Variants in SRFBP1 observed in about 807,000 individuals in gnomAD.
SRFBP1 encodes the protein serum response factor binding protein 1.
A neutral mutation model predicts 45.5 loss-of-function variants in SRFBP1; 47 were observed. That is an observed-to-expected ratio of 1.03 (90% confidence interval 0.82 to 1.32). The LOEUF is 1.32. Among genes scored for constraint, SRFBP1 ranks in the 40% most tolerant of loss-of-function variants. SRFBP1 has a pLI of 0.00. For missense variants in SRFBP1, 621 were observed against 484.6 expected (o/e 1.28, Z -2.64); for synonymous variants, 203 against 166.3 (o/e 1.22, Z -1.70).
chr5:122,026,213 C>T (rs1753476056), intron 7 of SRFBP1, among the ~76,000 whole-genome samples: 1 of 152,166 alleles, frequency 6.6e-6, no homozygotes, highest in African/African-American at 2.4e-5. Context: ...ATTCCATCTC[C>T]TAAGTTCTGT....
At chr5:121,991,036 G>A (rs1452202939) in intron 3 of SRFBP1, among the ~76,000 whole-genome samples, 1 of 152,148 alleles carries the variant, frequency 6.6e-6, no homozygotes, top group African/African-American at 2.4e-5. Context: ...TTATAATGAA[G>A]AGAGTTGATG....
intron 3 of SRFBP1, among the ~76,000 whole-genome samples, chr5:121,992,569 A>G (rs1162179668): frequency 6.6e-6 from 1 of 152,076 alleles, no homozygotes. Context: ...ATGTAAAATA[A>G]CATGTTCATA....
At chr5:122,072,691 G>A (rs751486643) in intron 2 of SRFBP1, among the ~76,000 whole-genome samples, 9 of 152,004 alleles carry the variant, frequency 5.9e-5, no homozygotes, top group Non-Finnish European at 1.2e-4. Flanking sequence ...TATATAAATC[G>A]CTCAATGCAA....
chr5:121,968,455 G>A (rs1040575134), intron 1 of SRFBP1, among the ~76,000 whole-genome samples: 4 of 152,116 alleles, frequency 2.6e-5, no homozygotes, highest in Non-Finnish European at 5.9e-5. Context: ...CAACAAAATT[G>A]TTGGTGGGGG....
intron 2 of SRFBP1, among the ~76,000 whole-genome samples, chr5:122,046,124 G>C (rs1276446914): frequency 1.3e-5 from 2 of 152,008 alleles, no homozygotes; most frequent in African/African-American, 4.8e-5. Context: ...GTATACATGT[G>C]CCATGTTGGT....
chr5:122,054,507 A>G (rs745428021), intron 2 of SRFBP1, among the ~76,000 whole-genome samples: 4 of 152,166 alleles, frequency 2.6e-5, no homozygotes, highest in Non-Finnish European at 5.9e-5. Context: ...TGTGGCATAC[A>G]TGAGCTGTTT....
intron 4 of SRFBP1, among the ~76,000 whole-genome samples, chr5:122,002,526 T>C (rs965096240): frequency 1.3e-5 from 2 of 152,218 alleles, no homozygotes; most frequent in Admixed American, 6.5e-5. Flanking sequence ...AATTACGTAT[T>C]GTGAAAGGAT....
chr5:121,963,924 A>G (rs1483862165), intron 1 of SRFBP1, among the ~76,000 whole-genome samples: 1 of 152,182 alleles, frequency 6.6e-6, no homozygotes, highest in Non-Finnish European at 1.5e-5. Flanking sequence ...TACCAAAGAA[A>G]AGAAATGACA....
At chr5:121,983,208 C>T (rs1490750312) in intron 3 of SRFBP1, among the ~76,000 whole-genome samples, 1 of 151,186 alleles carries the variant, frequency 6.6e-6, no homozygotes, top group East Asian at 1.9e-4. Context: ...AAATTATTTT[C>T]AAACAAAAAG....
intron 4 of SRFBP1, among the ~76,000 whole-genome samples, chr5:122,016,328 A>T (rs1435145962): frequency 6.6e-6 from 1 of 151,434 alleles, no homozygotes; most frequent in Non-Finnish European, 1.5e-5. Flanking sequence ...ATGTACAAGG[A>T]TGTAAATTTT....
chr5:122,068,539 A>G (rs1331458412), intron 2 of SRFBP1, among the ~76,000 whole-genome samples: 1 of 152,138 alleles, frequency 6.6e-6, no homozygotes, highest in Non-Finnish European at 1.5e-5. Context: ...TACTCAAATT[A>G]TTTGAGAAAG....
chr5:122,024,958 T>G (rs182018421), intron 7 of SRFBP1, among the ~76,000 whole-genome samples: 75 of 152,320 alleles, frequency 4.9e-4, no homozygotes, highest in East Asian at 1.9e-3. Flanking sequence ...GTTTTGTTTT[T>G]TTTATTTTTA....
At chr5:122,002,868 A>G (rs542781215) in intron 4 of SRFBP1, among the ~76,000 whole-genome samples, 3 of 152,314 alleles carry the variant, frequency 2.0e-5, no homozygotes, top group East Asian at 3.9e-4. Context: ...CCTTAAGAAA[A>G]AAAGCACTCT....
intron 2 of SRFBP1, among the ~76,000 whole-genome samples, chr5:122,074,939 C>T (rs769329088): frequency 2.6e-5 from 4 of 152,190 alleles, no homozygotes; most frequent in Admixed American, 6.5e-5. Flanking sequence ...AAAAGGCAAC[C>T]ACCTTGGGCT....
intron 3 of SRFBP1, among the ~76,000 whole-genome samples, chr5:121,980,710 A>C (rs896442145): frequency 1.3e-5 from 2 of 151,912 alleles, no homozygotes; most frequent in African/African-American, 4.8e-5. Context: ...ATTTTTTTCG[A>C]ATAAGTGGTT....
In SRFBP1 at chr5:122,066,669, C is replaced by T. The variant is rs376692684; in HGVS notation, n.312-8646C>T. The T allele has an allele frequency of 4.0e-5, 48 of 1,200,146 alleles. No homozygotes were observed. The African/African-American group carries it at 6.1e-4, about 15-fold the overall frequency. The allele number at this position is 1,200,146 out of a possible 1,614,324, so 74.3% of individuals were successfully genotyped here. A position where few individuals can be genotyped will look rare whatever the true frequency, so the allele number is the denominator to read the frequency against. ...TCTTTTTCAAAATACATAAATCCTA[C>T]TGAAGTTAGTCTATTTTTTCCCACT... On this transcript the variant is annotated intron_variant and non_coding_transcript_variant, in intron 2 of 2. Transcript: ENST00000504881.
intron 1 of SRFBP1, among the ~76,000 whole-genome samples, chr5:121,966,435 T>C (rs1352801057): frequency 6.6e-6 from 1 of 152,192 alleles, no homozygotes; most frequent in African/African-American, 2.4e-5. Flanking sequence ...CTACAGGTAA[T>C]AAGAAGTAGG....
chr5:122,005,074 C>G (rs376972324), intron 4 of SRFBP1, among the ~76,000 whole-genome samples: 1 of 152,106 alleles, frequency 6.6e-6, no homozygotes, highest in Non-Finnish European at 1.5e-5. Flanking sequence ...AGCATATCAT[C>G]TGTTTGGGAG....
rs529331343 is a variant in SRFBP1 at position 122,070,075 on chromosome 5, C to T, written n.312-5240C>T. 3 of 1,611,568 alleles carry T rather than the reference C, an allele frequency of 1.9e-6. No individual in the cohort carries two copies. Among genetic ancestry groups the T allele is most frequent in the African/African-American group, 2.7e-5 (2 of 74,940 alleles). On this transcript the variant is annotated intron_variant and non_coding_transcript_variant, in intron 2 of 2. Transcript: ENST00000504881. ...TACGGTGAAATTGTGCAGCCTGAGG[C>T]ATACGCATGATGTCCTGTGTAGCGA...
Sources: gnomAD v4.1 joint callset for allele counts (sites outside exome capture counted in the v4.1 genomes callset) on GRCh38, gnomAD v4.1.1 for gene constraint, MANE v1.5 for transcripts, NCBI Gene and HGNC (gene_info 2026-07-23, HGNC 2026-07-21) for gene names.